The following NR5A2 variants were observed in gnomAD, a reference collection of about 807,000 sequenced individuals.
NR5A2 encodes CYP7A promoter-binding factor.
In NR5A2, 26 loss-of-function variants were observed where a neutral mutation model predicts 62.7. The ratio of observed to expected loss-of-function variants is 0.41; its 90% CI spans 0.30 to 0.58. The LOEUF is 0.58. Among genes scored for constraint, NR5A2 ranks in the 20% least tolerant of loss-of-function variants. The probability of loss-of-function intolerance (pLI) is 0.22; values close to 1 mark genes in which losing one functional copy is unlikely to be tolerated. For missense variants in NR5A2, 541 were observed against 669.1 expected (o/e 0.81, Z 2.11); for synonymous variants, 246 against 241.7 (o/e 1.02, Z -0.16).
chr1:200,032,445 C>CTTT (rs1661582088), intron 1 of NR5A2, among the ~76,000 whole-genome samples: 2 of 152,194 alleles, frequency 1.3e-5, no homozygotes, highest in South Asian at 4.1e-4. Flanking sequence ...CTTTTAAACA[C>CTTT]CAAATAACCT....
chr1:200,135,708 C>G (rs1055554137), intron 7 of NR5A2, among the ~76,000 whole-genome samples: 100 of 152,158 alleles, frequency 6.6e-4, no homozygotes, highest in African/African-American at 2.4e-3. Context: ...CATCTGTAAA[C>G]TTGAAATAAT....
At position 200,049,764 on chromosome 1, in the gene NR5A2, C is replaced by T. The variant is rs564738858; in HGVS notation, c.1110+946C>T. Among the ~76,000 whole-genome samples, 181 of 152,152 alleles carry T rather than the reference C, an allele frequency of 1.2e-3. 1 individual carries two copies. Among genetic ancestry groups the T allele is most frequent in the Non-Finnish European group, 1.7e-3 (113 of 68,012 alleles). ...GCTAAATATCTGTGACTTGTGATTA[C>T]CTAGGACAGGAGATTGATTGTAAAA... On this transcript the variant is annotated intron_variant, in intron 5 of 7. Transcript: ENST00000367362.
At chr1:200,155,240 A>T (rs1268723016) in intron 7 of NR5A2, among the ~76,000 whole-genome samples, 1 of 152,228 alleles carries the variant, frequency 6.6e-6, no homozygotes, top group Admixed American at 6.5e-5. Context: ...CATCAGATAA[A>T]CAGTTGTTCT....
At chr1:200,148,248 C>T (rs1370140726) in intron 7 of NR5A2, 2 of 215,430 alleles carry the variant, frequency 9.3e-6, no homozygotes, top group Admixed American at 6.0e-5. Context: ...CCAAAGGAAG[C>T]CGGCCACAGC....
intron 7 of NR5A2, among the ~76,000 whole-genome samples, chr1:200,121,719 C>T (rs1418089664): frequency 6.6e-6 from 1 of 152,066 alleles, no homozygotes. Flanking sequence ...AACTTTTTGC[C>T]AAGTCCATTT....
chr1:200,127,979 G>A (rs942537594), intron 7 of NR5A2, among the ~76,000 whole-genome samples: 3 of 151,656 alleles, frequency 2.0e-5, no homozygotes, highest in African/African-American at 4.9e-5. Flanking sequence ...AAAAATAAAA[G>A]CAATATCTAT....
chr1:200,147,749 C>G lies in NR5A2; in HGVS notation c.1379-26214C>G. 3.7e-6 allele frequency: 2 copies of G among 544,846 alleles called. No individual in the cohort carries two copies. Among genetic ancestry groups the G allele is most frequent in the Middle Eastern group, 6.3e-4 (2 of 3,162 alleles). The allele number at this position is 544,846 out of a possible 1,614,324, so 33.8% of individuals were successfully genotyped here. On this transcript the variant is annotated intron_variant, in intron 7 of 7. Coordinates refer to ENST00000367362, the MANE Select transcript of NR5A2 (RefSeq NM_205860.3). This position sits in a 1 kb window ranked among gnomAD's most constrained non-coding sequence, Gnocchi z 4.9. ...GCCTCTCCCACGTCCACGGTGAAGA[C>G]GCGGATGCCGGCGCGAATGCCGGCA...
intron 5 of NR5A2, among the ~76,000 whole-genome samples, chr1:200,095,697 C>T (rs1019566658): frequency 6.9e-6 from 1 of 144,608 alleles, no homozygotes; most frequent in Non-Finnish European, 1.5e-5. Flanking sequence ...GGACTACAGG[C>T]ACCCGCCACC....
intron 7 of NR5A2, among the ~76,000 whole-genome samples, chr1:200,123,114 C>T (rs1172624423): frequency 6.6e-6 from 1 of 152,154 alleles, no homozygotes; most frequent in East Asian, 1.9e-4. Context: ...TCCTGAGCCT[C>T]GAGTCCCCTG....
chr1:200,173,310 G>T (rs1654267493), intron 7 of NR5A2, among the ~76,000 whole-genome samples: 1 of 152,200 alleles, frequency 6.6e-6, no homozygotes, highest in Non-Finnish European at 1.5e-5. Flanking sequence ...CCTGGCTTGT[G>T]TTCTGCCTAA....
intron 5 of NR5A2, 130 bp from the exon 6 acceptor site, chr1:200,111,072 G>A (rs1665917819): frequency 9.8e-7 from 1 of 1,024,004 alleles, no homozygotes; most frequent in Non-Finnish European, 1.4e-6. Flanking sequence ...GTGCTTCAGT[G>A]ACCATGGGTG....
intron 5 of NR5A2, among the ~76,000 whole-genome samples, chr1:200,108,081 C>CGTGTGT (rs71132660): frequency 2.4e-4 from 35 of 146,876 alleles, no homozygotes; most frequent in South Asian, 1.1e-3. Flanking sequence ...AGAAGACATA[C>CGTGTGT]GTGTGTGTGT....
chr1:200,071,944 T>G (rs1000762561), intron 5 of NR5A2, among the ~76,000 whole-genome samples: 3 of 152,218 alleles, frequency 2.0e-5, no homozygotes, highest in African/African-American at 7.2e-5. Flanking sequence ...GAAAACAATC[T>G]ATACTATATG....
intron 5 of NR5A2, among the ~76,000 whole-genome samples, chr1:200,052,665 G>A (rs989514360): frequency 1.3e-5 from 2 of 149,586 alleles, no homozygotes; most frequent in African/African-American, 2.5e-5. Context: ...TTTTTGAGAC[G>A]GAGTCTTGCT....
intron 5 of NR5A2, among the ~76,000 whole-genome samples, chr1:200,059,832 C>T (rs1663110656): frequency 6.6e-6 from 1 of 152,180 alleles, no homozygotes; most frequent in South Asian, 2.1e-4. Context: ...GAGAGTTCAA[C>T]ATCCATTTGC....
intron 7 of NR5A2, among the ~76,000 whole-genome samples, chr1:200,157,459 A>G (rs1200918390): frequency 2.6e-5 from 4 of 152,184 alleles, no homozygotes; most frequent in Non-Finnish European, 5.9e-5. Flanking sequence ...AGATAATAAG[A>G]TATCTTACTA....
At chr1:200,107,915 G>C (rs10919810) in intron 5 of NR5A2, among the ~76,000 whole-genome samples, 2 of 151,752 alleles carry the variant, frequency 1.3e-5, no homozygotes, top group Admixed American at 6.6e-5. Context: ...ACAGGCATAA[G>C]ACATGGCACC....
At chr1:200,155,076 T>TC in intron 7 of NR5A2, among the ~76,000 whole-genome samples, 3 of 152,320 alleles carry the variant, frequency 2.0e-5, no homozygotes, top group Admixed American at 2.0e-4. Flanking sequence ...AACTTTAGAA[T>TC]CCAGTGGACT....
intron 7 of NR5A2, among the ~76,000 whole-genome samples, chr1:200,160,990 A>G (rs1438261410): frequency 1.3e-5 from 2 of 152,142 alleles, no homozygotes; most frequent in Admixed American, 6.5e-5. Flanking sequence ...TACAAAAAAA[A>G]AAAAATAGTG....
Sources: gnomAD v4.1 joint callset for allele counts (sites outside exome capture counted in the v4.1 genomes callset) on GRCh38, gnomAD v4.1.1 for gene constraint, Gnocchi (gnomAD v3.1) non-coding constraint, MANE v1.5 for transcripts, NCBI Gene and HGNC (gene_info 2026-07-23, HGNC 2026-07-21) for gene names.